The following ATP5IF1 variants were observed in gnomAD, a reference collection of about 807,000 sequenced individuals.
The protein encoded by ATP5IF1 is ATP synthase inhibitory factor subunit 1.
A neutral mutation model predicts 8.5 loss-of-function variants in ATP5IF1; 12 were observed. The observed-to-expected ratio is 1.41, with a 90% confidence interval of 0.90 to 2.28. The LOEUF (loss-of-function observed/expected upper bound fraction) is 2.28. Ranked by LOEUF, ATP5IF1 falls within the 30% of genes most tolerant of loss-of-function variation. ATP5IF1 has a pLI of 0.00. For synonymous variants in ATP5IF1, 51 were observed against 53.4 expected (o/e 0.96, Z 0.19); for missense variants, 154 against 140.2 (o/e 1.10, Z -0.50).
At chr1:28,237,453 T>C in intron 2 of ATP5IF1, 1 of 1,236,550 alleles carries the variant, frequency 8.1e-7, no homozygotes, top group Non-Finnish European at 1.0e-6. Context: ...CTAGACAGAT[T>C]GGAATAGGAA....
chr1:28,236,194 C>T lies in ATP5IF1; in HGVS notation c.11C>T (p.Thr4Met). MAV[T>M]ALAARTWLGV... ...GCAGCTCCAGCAGCAATGGCAGTGA[C>T]GGCGTTGGCGGCGCGGACGTGGCTT... The change falls in exon 1 of 3, where the codon ACG (threonine) becomes ATG (methionine). Residue 4 changes from threonine to methionine, a missense_variant. Coordinates refer to ENST00000335514, the MANE Select transcript of ATP5IF1 (RefSeq NM_016311.5). 4 of 1,613,394 alleles carry T rather than the reference C, an allele frequency of 2.5e-6. No individual in the cohort carries two copies. The South Asian group carries it at 3.3e-5, about 13-fold the overall frequency.
Position 28,238,018 on chromosome 1 carries a change from C to T in ATP5IF1, c.*40C>T. The T allele has an allele frequency of 6.4e-7, 1 of 1,573,002 alleles. No individual in the cohort carries two copies. The highest frequency in any genetic ancestry group is 1.3e-5 in the African/African-American group (1 of 74,122). ...CCATAGAATGGCACATGTCATTGCC[C>T]ACTTCTGTGTAGACATGGTTCTGGT... is the stretch of plus-strand genomic sequence containing the variant. On this transcript the variant is annotated 3_prime_UTR_variant, in exon 3 of 3. Transcript: ENST00000335514.
At position 28,236,203 on chromosome 1, in the gene ATP5IF1, C is replaced by G. The variant is rs75742534; in HGVS notation, c.20C>G (p.Ala7Gly). MAVTAL[A>G]ARTWLGVWGV... ...GCAGCAATGGCAGTGACGGCGTTGG[C>G]GGCGCGGACGTGGCTTGGCGTGTGG... The change falls in exon 1 of 3, where the codon GCG becomes GGG. Residue 7 changes from alanine to glycine, a missense_variant. By Grantham distance (60) the Ala-to-Gly change is moderately conservative. Transcript: ENST00000335514. 6.2e-7 allele frequency: 1 copy of G among 1,613,538 alleles called. No individual in the cohort carries two copies. Among genetic ancestry groups the G allele is most frequent in the South Asian group, 1.1e-5 (1 of 91,078 alleles).
intron 2 of ATP5IF1, chr1:28,236,877 C>T (rs1251306118): frequency 7.1e-6 from 8 of 1,130,874 alleles, no homozygotes; most frequent in Non-Finnish European, 8.8e-6. Context: ...CGCTCTCCTT[C>T]CTCGCCAGCA....
chr1:28,236,765 C>A, intron 2 of ATP5IF1: 1 of 1,285,632 alleles, frequency 7.8e-7, no homozygotes, highest in Non-Finnish European at 1.0e-6. Flanking sequence ...TCAGGTCGTG[C>A]GAAACACCCC....
In ATP5IF1 at chr1:28,236,383, C is replaced by T. The variant is rs773053348; in HGVS notation, c.110C>T (p.Ala37Val). ...SDQSENVDRG[A>V]GSIREAGGAF... is the part of the protein sequence containing the mutation. ...CAGTCCGAGAATGTCGACCGGGGCG[C>T]GGGCTCCATCCGGGAAGCCGGTGGG... Residue 37 changes from alanine to valine, a missense_variant, in exon 2 of 3, where the codon GCG becomes GTG. Coordinates refer to ENST00000335514, the MANE Select transcript of ATP5IF1 (RefSeq NM_016311.5). 3.7e-6 allele frequency: 6 copies of T among 1,614,210 alleles called. No homozygotes were observed. Among genetic ancestry groups the T allele is most frequent in the South Asian group, 3.3e-5 (3 of 91,086 alleles).
At position 28,236,457 on chromosome 1, in the gene ATP5IF1, G is replaced by A; in HGVS notation, c.179+5G>A. The A allele has an allele frequency of 6.2e-7, 1 of 1,614,184 alleles. No homozygotes were observed. Among genetic ancestry groups the A allele is most frequent in the Non-Finnish European group, 8.5e-7 (1 of 1,180,030 alleles). On this transcript the variant is annotated splice_donor_5th_base_variant and intron_variant, in intron 2 of 2. Transcript: ENST00000335514. The stretch of plus-strand genomic sequence containing the variant: ...TGAAGAGGAACGATATTTCCGGTGA[G>A]GCTCACCGGGTCCCAAGTCCAGCCC...
intron 2 of ATP5IF1, chr1:28,237,587 C>T: frequency 6.9e-7 from 1 of 1,447,680 alleles, no homozygotes; most frequent in Non-Finnish European, 9.0e-7. Context: ...GGACTTGTGT[C>T]ACATCTCTCT....
intron 2 of ATP5IF1, chr1:28,237,415 C>T: frequency 1.8e-6 from 2 of 1,109,296 alleles, no homozygotes; most frequent in South Asian, 2.9e-5. Flanking sequence ...TTACAGTGGG[C>T]CATTCATTTC....
chr1:28,237,413 G>C, intron 2 of ATP5IF1: 2 of 1,108,492 alleles, frequency 1.8e-6, no homozygotes, highest in African/African-American at 3.3e-5. Flanking sequence ...CCTTACAGTG[G>C]GCCATTCATT....
At position 28,236,472 on chromosome 1, in the gene ATP5IF1, A is replaced by T; in HGVS notation, c.179+20A>T. ...TTTCCGGTGAGGCTCACCGGGTCCC[A>T]AGTCCAGCCCTGGATCTCCCAATGG... On this transcript the variant is annotated intron_variant, in intron 2 of 2. Coordinates refer to ENST00000335514, the MANE Select transcript of ATP5IF1 (RefSeq NM_016311.5). 6.2e-7 allele frequency: 1 copy of T among 1,614,066 alleles called. No individual in the cohort carries two copies. Among genetic ancestry groups the T allele is most frequent in the African/African-American group, 1.3e-5 (1 of 75,036 alleles).
intron 2 of ATP5IF1, 137 bp from the exon 3 acceptor site, chr1:28,237,697 TGAG>T (rs777602793): frequency 1.5e-4 from 241 of 1,601,940 alleles, no homozygotes; most frequent in Non-Finnish European, 2.0e-4. Flanking sequence ...TTTCACTAGT[TGAG>T]GAGTAGAAGA....
intron 2 of ATP5IF1, chr1:28,236,891 C>T (rs1427955506): frequency 8.9e-7 from 1 of 1,122,122 alleles, no homozygotes; most frequent in African/African-American, 1.6e-5. Flanking sequence ...GCCAGCACGC[C>T]TTAGCTTTGC....
At chr1:28,236,845 T>G in intron 2 of ATP5IF1, 1 of 1,166,610 alleles carries the variant, frequency 8.6e-7, no homozygotes, top group Non-Finnish European at 1.1e-6. Flanking sequence ...CCTCGGCCCT[T>G]ACCCACCTGT....
chr1:28,237,521 T>C, intron 2 of ATP5IF1: 8 of 1,366,648 alleles, frequency 5.9e-6, no homozygotes, highest in Non-Finnish European at 7.5e-6. Context: ...TTGTTCCTTT[T>C]TTTTTCCCTA....
rs918452391 is a variant in ATP5IF1, at chr1:28,237,592, C to A, written c.180-245C>A. The A allele has an allele frequency of 5.5e-6, 8 of 1,449,396 alleles. No homozygotes were observed. The African/African-American group carries it at 1.1e-4, about 21-fold the overall frequency. The allele number at this position is 1,449,396 out of a possible 1,614,324, so 89.8% of individuals were successfully genotyped here. A position where few individuals can be genotyped will look rare whatever the true frequency, so the allele number is the denominator to read the frequency against. On this transcript the variant is annotated intron_variant, in intron 2 of 2. Coordinates refer to ENST00000335514, the MANE Select transcript of ATP5IF1 (RefSeq NM_016311.5). ...AAGGTATTAGGGACTTGTGTCACAT[C>A]TCTCTGGAGTTTTCTATTTTAAAGA...
At position 28,236,145 on chromosome 1, in the gene ATP5IF1, T is replaced by C. The variant is rs982211643; in HGVS notation, c.-39T>C. The C allele has an allele frequency of 1.9e-6, 3 of 1,607,058 alleles. No individual in the cohort carries two copies. Among genetic ancestry groups the C allele is most frequent in the African/African-American group, 2.7e-5 (2 of 74,920 alleles). ...CATTAGCGCGTAACGAGAGACTGCT[T>C]GCTGCGGCAGAGACGCCAGAGGTGC... On this transcript the variant is annotated 5_prime_UTR_variant, in exon 1 of 3. Transcript: ENST00000335514.
intron 2 of ATP5IF1, chr1:28,237,169 C>T: frequency 1.0e-6 from 1 of 992,176 alleles, no homozygotes; most frequent in Non-Finnish European, 1.2e-6. Flanking sequence ...CTTGCTTTTG[C>T]TTGTCCTTTG....
chr1:28,237,709 G>C, intron 2 of ATP5IF1, 128 bp from the exon 3 acceptor site: 1 of 1,609,070 alleles, frequency 6.2e-7, no homozygotes, highest in South Asian at 1.1e-5. Context: ...AGGAGTAGAA[G>C]AGGATGACCA....
Sources: gnomAD v4.1 joint callset for allele counts on GRCh38, gnomAD v4.1.1 for gene constraint, MANE v1.5 for transcripts, NCBI Gene and HGNC (gene_info 2026-07-23, HGNC 2026-07-21) for gene names.